CYP4X1: variants seen among roughly 807,000 people sequenced by gnomAD.
The protein encoded by CYP4X1 is cytochrome P450 4X1.
A neutral mutation model predicts 57.9 loss-of-function variants in CYP4X1; 44 were observed. That is an observed-to-expected ratio of 0.76 (90% confidence interval 0.60 to 0.98). The LOEUF (loss-of-function observed/expected upper bound fraction) is 0.98, where lower values mean the gene tolerates loss of function less well. Among genes scored for constraint, CYP4X1 ranks in the 50% least tolerant of loss-of-function variants. The pLI is 0.00. For missense variants in CYP4X1, 532 were observed against 623.9 expected (o/e 0.85, Z 1.57); for synonymous variants, 227 against 228.6 (o/e 0.99, Z 0.06).
the CYP4X1 span, among the ~76,000 whole-genome samples, chr1:47,006,196 G>A: frequency 0.018 from 2,699 of 152,220 alleles, 58 homozygotes; most frequent in East Asian, 0.047. Flanking sequence ...TAATATCTGG[G>A]TCATTTCCAA....
chr1:46,984,302 T>C, the CYP4X1 span, among the ~76,000 whole-genome samples: 1 of 151,768 alleles, frequency 6.6e-6, no homozygotes, highest in East Asian at 1.9e-4. Flanking sequence ...GCATTTCTTC[T>C]TGATGAATCC....
At chr1:46,965,726 T>C in the CYP4X1 span, among the ~76,000 whole-genome samples, 1 of 152,204 alleles carries the variant, frequency 6.6e-6, no homozygotes, top group South Asian at 2.1e-4. Context: ...TTCTTTTTAG[T>C]ACAGCAGGTG....
chr1:47,003,146 TGTTG>T, the CYP4X1 span: 2 of 152,214 alleles, frequency 1.3e-5, no homozygotes, highest in African/African-American at 2.4e-5. Flanking sequence ...GCTCCTGGTC[TGTTG>T]GTTTCTCTGT....
chr1:47,025,224 T>TC (rs1218695050), intron 1 of CYP4X1, among the ~76,000 whole-genome samples: 1 of 152,114 alleles, frequency 6.6e-6, no homozygotes, highest in Non-Finnish European at 1.5e-5. Context: ...TGCCACCTCC[T>TC]CCCCTCTCTC....
At chr1:47,043,477 T>G (rs1644269161) in intron 8 of CYP4X1, among the ~76,000 whole-genome samples, 1 of 152,178 alleles carries the variant, frequency 6.6e-6, no homozygotes, top group African/African-American at 2.4e-5. Context: ...CACCTATTTA[T>G]CTTTTCGTTG....
chr1:47,032,875 G>A (rs1644138820), intron 3 of CYP4X1, among the ~76,000 whole-genome samples: 1 of 152,132 alleles, frequency 6.6e-6, no homozygotes, highest in African/African-American at 2.4e-5. Flanking sequence ...AGGGAAAAAG[G>A]TATTTAGTAT....
chr1:46,978,363 A>T, the CYP4X1 span, among the ~76,000 whole-genome samples: 3 of 152,118 alleles, frequency 2.0e-5, no homozygotes, highest in African/African-American at 7.3e-5. Flanking sequence ...ACCAACAAAG[A>T]TCAAAAGATA....
the CYP4X1 span, chr1:46,961,566 A>G: frequency 1.6e-6 from 2 of 1,236,096 alleles, no homozygotes. Context: ...TCTTCCTGAG[A>G]ACAAAGGGCT....
chr1:46,966,424 T>A, the CYP4X1 span, among the ~76,000 whole-genome samples: 1 of 152,094 alleles, frequency 6.6e-6, no homozygotes, highest in Admixed American at 6.6e-5. Context: ...CACTAGAGGA[T>A]CTCCTGGTCC....
At chr1:47,007,923 T>G in the CYP4X1 span, among the ~76,000 whole-genome samples, 1 of 151,990 alleles carries the variant, frequency 6.6e-6, no homozygotes, top group African/African-American at 2.4e-5. Context: ...TGGGACTATG[T>G]GAAAAGACTG....
At chr1:46,971,467 T>G in the CYP4X1 span, among the ~76,000 whole-genome samples, 1 of 152,222 alleles carries the variant, frequency 6.6e-6, no homozygotes, top group Non-Finnish European at 1.5e-5. Flanking sequence ...CAAATGGCAG[T>G]TCTATTTTAA....
At chr1:46,979,657 T>G in the CYP4X1 span, among the ~76,000 whole-genome samples, 2 of 152,158 alleles carry the variant, frequency 1.3e-5, no homozygotes, top group Non-Finnish European at 2.9e-5. Context: ...TACCAAAGCC[T>G]GGCAGAGACA....
At chr1:47,012,348 A>T in the CYP4X1 span, among the ~76,000 whole-genome samples, 1 of 152,196 alleles carries the variant, frequency 6.6e-6, no homozygotes, top group Non-Finnish European at 1.5e-5. Flanking sequence ...TATAGGTGGG[A>T]ATTGAACAAT....
the CYP4X1 span, among the ~76,000 whole-genome samples, chr1:46,990,915 G>A: frequency 6.6e-6 from 1 of 152,078 alleles, no homozygotes; most frequent in Non-Finnish European, 1.5e-5. Context: ...GGGGGGTTAG[G>A]AGAGGGATAG....
intron 2 of CYP4X1, 34 bp downstream of exon 2, chr1:47,030,165 C>T: frequency 6.3e-7 from 1 of 1,577,762 alleles, no homozygotes; most frequent in Non-Finnish European, 8.6e-7. Flanking sequence ...GGACCTATTC[C>T]TCCTAGAAGT....
chr1:47,000,592 AAGAAAC>A, the CYP4X1 span, among the ~76,000 whole-genome samples: 1 of 152,264 alleles, frequency 6.6e-6, no homozygotes, highest in East Asian at 1.9e-4. Flanking sequence ...TAGTGGCAAT[AAGAAAC>A]CTCTACGGAT....
chr1:47,041,614 T>A (rs1644247437), intron 8 of CYP4X1, among the ~76,000 whole-genome samples: 1 of 152,158 alleles, frequency 6.6e-6, no homozygotes, highest in South Asian at 2.1e-4. Flanking sequence ...TTTCTCATTT[T>A]TAAATCTAGT....
chr1:46,987,281 C>G, the CYP4X1 span, among the ~76,000 whole-genome samples: 1 of 152,074 alleles, frequency 6.6e-6, no homozygotes, highest in Non-Finnish European at 1.5e-5. Context: ...TCAAAAGATA[C>G]AAAGAAAGGC....
chr1:46,999,247 G>A, the CYP4X1 span, among the ~76,000 whole-genome samples: 1 of 152,050 alleles, frequency 6.6e-6, no homozygotes. Context: ...ATTCAATTTT[G>A]TAACTTATAA....
Sources: allele counts gnomAD v4.1 joint callset (sites outside exome capture counted in the v4.1 genomes callset), GRCh38; gene constraint gnomAD v4.1.1; transcripts MANE v1.5; gene names NCBI Gene and HGNC (gene_info 2026-07-23, HGNC 2026-07-21).